Variants in ADAMTSL3 observed in about 807,000 individuals in gnomAD.
ADAMTSL3 encodes ADAMTS like 3.
ADAMTSL3 carries 128 observed loss-of-function variants against 201.7 expected under a neutral mutation model. The observed-to-expected ratio is 0.63, with a 90% CI of 0.55 to 0.73. The LOEUF (loss-of-function observed/expected upper bound fraction) is 0.73, where lower values mean the gene tolerates loss of function less well. Ranked by LOEUF, ADAMTSL3 falls within the 30% of genes least tolerant of loss-of-function variation. ADAMTSL3 has a pLI of 0.00. For synonymous variants in ADAMTSL3, 738 were observed against 748.4 expected, an observed-to-expected ratio of 0.99 and a Z score of 0.23; for missense variants, 1,990 against 2,119.6, an observed-to-expected ratio of 0.94 and a Z score of 1.20.
chr15:83,846,915 T>C (rs539649334), intron 7 of ADAMTSL3, among the ~76,000 whole-genome samples: 4 of 152,242 alleles, frequency 2.6e-5, no homozygotes, highest in Non-Finnish European at 5.9e-5. Flanking sequence ...CTGTGTGACA[T>C]AGTCCCATCT....
At chr15:83,779,047 T>A (rs1233406411) in intron 4 of ADAMTSL3, among the ~76,000 whole-genome samples, 1 of 152,168 alleles carries the variant, frequency 6.6e-6, no homozygotes, top group Non-Finnish European at 1.5e-5. Context: ...AAGGGTTCAA[T>A]TCACAAGAAG....
At chr15:83,956,864 G>A (rs936112410) in intron 19 of ADAMTSL3, among the ~76,000 whole-genome samples, 3 of 152,082 alleles carry the variant, frequency 2.0e-5, no homozygotes, top group African/African-American at 7.2e-5. Context: ...TATTTCCATA[G>A]CCTTACAAAC....
intron 20 of ADAMTSL3, among the ~76,000 whole-genome samples, chr15:83,972,980 G>A (rs544881763): frequency 6.6e-5 from 10 of 152,074 alleles, no homozygotes; most frequent in Middle Eastern, 3.4e-3. Context: ...AGATTGCCCC[G>A]TCTCATACCT....
chr15:84,035,907 T>C (rs1156375040), intron 28 of ADAMTSL3, among the ~76,000 whole-genome samples: 1 of 152,234 alleles, frequency 6.6e-6, no homozygotes, highest in Non-Finnish European at 1.5e-5. Flanking sequence ...TTTTCTATAT[T>C]TCTGGCCGAT....
intron 3 of ADAMTSL3, among the ~76,000 whole-genome samples, chr15:83,730,063 A>G (rs951558782): frequency 1.3e-5 from 2 of 152,210 alleles, no homozygotes; most frequent in South Asian, 4.1e-4. Flanking sequence ...TATAAAAACC[A>G]TACCTCTATG....
intron 4 of ADAMTSL3, among the ~76,000 whole-genome samples, chr15:83,793,408 G>GA (rs1567148680): frequency 6.6e-6 from 1 of 152,196 alleles, no homozygotes; most frequent in Non-Finnish European, 1.5e-5. Context: ...ATAGATACTT[G>GA]AAAACATCAC....
chr15:83,703,493 T>C (rs2061803540), intron 2 of ADAMTSL3, among the ~76,000 whole-genome samples: 1 of 152,036 alleles, frequency 6.6e-6, no homozygotes, highest in Admixed American at 6.5e-5. Context: ...TGGGAGATAA[T>C]TTGAATCATA....
intron 3 of ADAMTSL3, among the ~76,000 whole-genome samples, chr15:83,762,824 C>T (rs2062828783): frequency 1.3e-5 from 2 of 152,022 alleles, no homozygotes; most frequent in African/African-American, 4.8e-5. Flanking sequence ...GAAAATAATG[C>T]CGTTCTATAG....
chr15:83,956,616 G>T (rs1424253243), intron 19 of ADAMTSL3, among the ~76,000 whole-genome samples: 2 of 151,814 alleles, frequency 1.3e-5, no homozygotes, highest in Non-Finnish European at 2.9e-5. Context: ...ATGCCCAGTG[G>T]ATTCAAATTC....
chr15:83,881,562 A>C (rs1463395845), intron 9 of ADAMTSL3, among the ~76,000 whole-genome samples: 1 of 152,194 alleles, frequency 6.6e-6, no homozygotes, highest in African/African-American at 2.4e-5. Context: ...ATACACTAAA[A>C]ATATTTTATG....
chr15:83,872,085 T>G (rs1050273894), intron 9 of ADAMTSL3, among the ~76,000 whole-genome samples: 12 of 152,198 alleles, frequency 7.9e-5, no homozygotes, highest in African/African-American at 2.2e-4. Flanking sequence ...AGCGTTGGCC[T>G]GCACAGTGTA....
chr15:83,838,100 C>CGA lies in ADAMTSL3; in HGVS notation c.613_614dup (p.Asp205GlufsTer44), dbSNP rs2064309898. 1 of 1,608,652 alleles carries CGA rather than the reference C, an allele frequency of 6.2e-7. No individual in the cohort carries two copies. The highest frequency in any genetic ancestry group is 1.7e-5 in the Admixed American group (1 of 59,088). On this transcript the variant is annotated frameshift_variant, in exon 7 of 30. Transcript: ENST00000286744. LOFTEE classifies it high-confidence loss of function. Reference sequence around the variant, plus strand: ...GCTTCTGTTGGCAGGCAGTGGGCTGCGATCGGCAACTGGGAAGCAATGCCA... The same window carrying CGA: ...GCTTCTGTTGGCAGGCAGTGGGCTGCGAGATCGGCAACTGGGAAGCAATGCCA...
chr15:83,758,407 C>G (rs972923414), intron 3 of ADAMTSL3, among the ~76,000 whole-genome samples: 6 of 152,192 alleles, frequency 3.9e-5, no homozygotes, highest in African/African-American at 1.4e-4. Context: ...ATGAGAACAG[C>G]CCAAGAAAGA....
At chr15:83,756,368 G>A (rs1024482401) in intron 3 of ADAMTSL3, among the ~76,000 whole-genome samples, 4 of 152,182 alleles carry the variant, frequency 2.6e-5, no homozygotes, top group African/African-American at 9.7e-5. Context: ...AAGAGCAAAG[G>A]GACATCTTAA....
intron 19 of ADAMTSL3, among the ~76,000 whole-genome samples, chr15:83,951,954 C>A (rs751505127): frequency 2.0e-5 from 3 of 151,932 alleles, no homozygotes; most frequent in Non-Finnish European, 4.4e-5. Flanking sequence ...TTCAAAAAAC[C>A]AACTTTTTGG....
intron 20 of ADAMTSL3, among the ~76,000 whole-genome samples, chr15:83,978,911 G>C (rs2067336582): frequency 6.6e-6 from 1 of 152,260 alleles, no homozygotes. Context: ...TCTTCACCAA[G>C]GCTATGCCCT....
intron 19 of ADAMTSL3, among the ~76,000 whole-genome samples, chr15:83,949,587 C>T (rs1220219393): frequency 1.3e-5 from 2 of 152,040 alleles, no homozygotes; most frequent in Non-Finnish European, 2.9e-5. Context: ...AACCTCCAAA[C>T]TGTTCTCCAT....
chr15:84,037,859 C>A lies in ADAMTSL3; in HGVS notation c.*53C>A. On this transcript the variant is annotated 3_prime_UTR_variant, in exon 30 of 30. Transcript: ENST00000286744. ...TGAAGATAAAAGTAGAATATAAAAG[C>A]TCTTTTCCCCATGTCGCTGATTCAA... 2 of 1,556,102 alleles carry A rather than the reference C, an allele frequency of 1.3e-6. No homozygotes were observed. Among genetic ancestry groups the A allele is most frequent in the Non-Finnish European group, 1.7e-6 (2 of 1,157,864 alleles).
At chr15:83,987,425 T>C (rs1158076811) in intron 21 of ADAMTSL3, among the ~76,000 whole-genome samples, 1 of 152,202 alleles carries the variant, frequency 6.6e-6, no homozygotes, top group Non-Finnish European at 1.5e-5. Flanking sequence ...AAGCAGTGAG[T>C]ATGCACAGCT....
Sources: allele counts gnomAD v4.1 joint callset (sites outside exome capture counted in the v4.1 genomes callset), GRCh38; gene constraint gnomAD v4.1.1; transcripts MANE v1.5; gene names NCBI Gene and HGNC (gene_info 2026-07-23, HGNC 2026-07-21).